PDE1A: variants seen among roughly 807,000 people sequenced by gnomAD.
The protein encoded by PDE1A is dual specificity calcium/calmodulin-dependent 3',5'-cyclic nucleotide phosphodiesterase 1A.
PDE1A carries 35 observed loss-of-function variants against 61.7 expected under a neutral mutation model. That is an observed-to-expected ratio of 0.57 (90% CI 0.43 to 0.75). The LOEUF (loss-of-function observed/expected upper bound fraction) is 0.75. Among genes scored for constraint, PDE1A ranks in the 30% least tolerant of loss-of-function variants. The pLI is 0.00. For synonymous variants in PDE1A, 232 were observed against 213.2 expected, an observed-to-expected ratio of 1.09 and a Z score of -0.77; for missense variants, 597 against 630.6, an observed-to-expected ratio of 0.95 and a Z score of 0.57.
At chr2:182,434,965 A>T (rs1704137803) in intron 2 of PDE1A, among the ~76,000 whole-genome samples, 2 of 152,028 alleles carry the variant, frequency 1.3e-5, no homozygotes, top group African/African-American at 4.8e-5. Context: ...CGGTCATTTA[A>T]ATCCATCAGA....
the PDE1A span, among the ~76,000 whole-genome samples, chr2:182,614,359 G>T: frequency 6.6e-6 from 1 of 152,216 alleles, no homozygotes; most frequent in South Asian, 2.1e-4. Flanking sequence ...TAGAGCTATT[G>T]TAAGAGTCAG....
the PDE1A span, among the ~76,000 whole-genome samples, chr2:182,533,873 C>G: frequency 1.3e-5 from 2 of 151,994 alleles, no homozygotes; most frequent in African/African-American, 2.4e-5. Context: ...AGGTAAAACT[C>G]TTTCTTTCTG....
the PDE1A span, among the ~76,000 whole-genome samples, chr2:182,572,426 T>C: frequency 1.3e-5 from 2 of 152,212 alleles, no homozygotes; most frequent in Non-Finnish European, 2.9e-5. Context: ...TTTCTTCTCA[T>C]GGTTCCAAGT....
rs143408471 is a variant in PDE1A at position 182,447,118 on chromosome 2, T to TACACACAC, written c.101+75150_101+75157dup. On this transcript the variant is annotated intron_variant, in intron 2 of 14. Transcript: ENST00000410103. The stretch of plus-strand genomic sequence containing the variant: ...TTACTTTGAGAACTTTTTTTTCACT[T>TACACACAC]ACACACACACACACACACACACAAA... Among the ~76,000 whole-genome samples the TACACACAC allele has an allele frequency of 7.3e-3, 1,092 of 149,390 alleles. 10 individuals are homozygous for TACACACAC. The highest frequency in any genetic ancestry group is 0.035 in the Middle Eastern group (10 of 288).
intron 2 of PDE1A, among the ~76,000 whole-genome samples, chr2:182,461,355 G>T (rs1686276593): frequency 6.6e-6 from 1 of 151,872 alleles, no homozygotes; most frequent in Admixed American, 6.6e-5. Flanking sequence ...AAAACCTTGG[G>T]CCAGGTTATT....
intron 1 of PDE1A, among the ~76,000 whole-genome samples, chr2:182,402,920 A>G (rs1231823197): frequency 6.6e-6 from 1 of 152,260 alleles, no homozygotes; most frequent in Admixed American, 6.5e-5. Flanking sequence ...CAAACATGAA[A>G]AAAGTTGATC....
At chr2:182,418,253 C>T (rs1703043328) in intron 1 of PDE1A, among the ~76,000 whole-genome samples, 1 of 152,134 alleles carries the variant, frequency 6.6e-6, no homozygotes, top group South Asian at 2.1e-4. Context: ...AGTCGGCTAG[C>T]ATGACACTTG....
At chr2:182,238,422 T>C (rs1230521860) in intron 3 of PDE1A, among the ~76,000 whole-genome samples, 3 of 152,020 alleles carry the variant, frequency 2.0e-5, no homozygotes. Context: ...AGGCAGATAG[T>C]GGAGGCTTAG....
intron 1 of PDE1A, among the ~76,000 whole-genome samples, chr2:182,311,616 C>CT (rs1695979484): frequency 6.6e-6 from 1 of 152,128 alleles, no homozygotes; most frequent in Non-Finnish European, 1.5e-5. Flanking sequence ...GAGTATAATG[C>CT]TTTTAAGAAT....
chr2:182,543,296 G>C, the PDE1A span, among the ~76,000 whole-genome samples: 1 of 152,176 alleles, frequency 6.6e-6, no homozygotes, highest in Non-Finnish European at 1.5e-5. Flanking sequence ...ATACAGATTT[G>C]TATGATTAAT....
intron 2 of PDE1A, among the ~76,000 whole-genome samples, chr2:182,471,274 C>T (rs1687013179): frequency 6.6e-6 from 1 of 151,722 alleles, no homozygotes; most frequent in African/African-American, 2.4e-5. Flanking sequence ...TATTATATGT[C>T]AGGCAGATGA....
At chr2:182,713,585 C>T in the PDE1A span, among the ~76,000 whole-genome samples, 3 of 152,126 alleles carry the variant, frequency 2.0e-5, no homozygotes, top group African/African-American at 7.2e-5. Context: ...GAGCCAAGAT[C>T]GCACCATTGC....
At chr2:182,354,255 C>T (rs964315032) in intron 1 of PDE1A, among the ~76,000 whole-genome samples, 1 of 152,050 alleles carries the variant, frequency 6.6e-6, no homozygotes, top group Non-Finnish European at 1.5e-5. Flanking sequence ...AAACAAATGC[C>T]CAGCTATTTT....
chr2:182,171,289 G>A (rs1040505801), intron 13 of PDE1A, among the ~76,000 whole-genome samples: 16 of 151,978 alleles, frequency 1.1e-4, no homozygotes, highest in African/African-American at 3.9e-4. Context: ...GAATTCTAAT[G>A]AAATTGAAAA....
At chr2:182,700,647 G>A in the PDE1A span, among the ~76,000 whole-genome samples, 3 of 146,740 alleles carry the variant, frequency 2.0e-5, no homozygotes, top group Non-Finnish European at 3.0e-5. Flanking sequence ...GCTTTAATGC[G>A]GGAGGCAGAG....
chr2:182,333,531 A>C (rs755285103), intron 1 of PDE1A, among the ~76,000 whole-genome samples: 2 of 152,222 alleles, frequency 1.3e-5, no homozygotes, highest in African/African-American at 4.8e-5. Flanking sequence ...TTTGAAACCA[A>C]TGAGAACAAA....
At chr2:182,306,501 A>ACAC (rs1559319188) in intron 1 of PDE1A, among the ~76,000 whole-genome samples, 3 of 150,320 alleles carry the variant, frequency 2.0e-5, no homozygotes, top group African/African-American at 7.5e-5. Context: ...CACACACACA[A>ACAC]AAGCAAGGCA....
intron 13 of PDE1A, among the ~76,000 whole-genome samples, chr2:182,159,488 C>T (rs2860078): frequency 0.47 from 71,135 of 152,028 alleles, 17,618 homozygotes; most frequent in East Asian, 0.63. Context: ...TAATTCATCA[C>T]ACAGCAGTTC....
At chr2:182,143,601 C>T (rs367946753), downstream of PDE1A, among the ~76,000 whole-genome samples, 2 of 152,018 alleles carry the variant, frequency 1.3e-5, no homozygotes, top group Admixed American at 6.5e-5. Flanking sequence ...CTGCAAGCTC[C>T]GCCTCCCGGG....
Sources: allele counts gnomAD v4.1 joint callset (sites outside exome capture counted in the v4.1 genomes callset), GRCh38; gene constraint gnomAD v4.1.1; transcripts MANE v1.5; gene names NCBI Gene and HGNC (gene_info 2026-07-23, HGNC 2026-07-21).